The following VPS13B variants were observed in gnomAD, a reference collection of about 807,000 sequenced individuals.
VPS13B encodes the protein intermembrane lipid transfer protein VPS13B.
Under a neutral mutation model 426.4 loss-of-function variants are expected in VPS13B, and 285 were observed. That is an observed-to-expected ratio of 0.67 (90% confidence interval 0.61 to 0.74). The LOEUF (loss-of-function observed/expected upper bound fraction) is 0.74, where lower values mean the gene tolerates loss of function less well. VPS13B is among the 30% of genes least tolerant of loss of function. The probability of loss-of-function intolerance (pLI) is 0.00; values close to 1 mark genes in which losing one functional copy is unlikely to be tolerated. For synonymous variants in VPS13B, 1,676 were observed against 1,676.4 expected, an observed-to-expected ratio of 1.00 and a Z score of 0.01; for missense variants, 4,537 against 4,782.6, an observed-to-expected ratio of 0.95 and a Z score of 1.51.
chr8:99,705,721 G>A (rs950489458), intron 36 of VPS13B, among the ~76,000 whole-genome samples: 1 of 152,022 alleles, frequency 6.6e-6, no homozygotes, highest in Non-Finnish European at 1.5e-5. Context: ...TTAAAATGTT[G>A]TTTATGTACA....
In VPS13B at chr8:99,852,103, G is replaced by A. The variant is rs181562414; in HGVS notation, c.10062-1348G>A. On this transcript the variant is annotated intron_variant, in intron 55 of 61. Coordinates refer to ENST00000357162, the MANE Select transcript of VPS13B (RefSeq NM_152564.5). ...CATTGAGTAATGGCTAAAAATAGAGGCATCAAGGATGACACCGAAATTTTT... is the reference window on the plus strand; with the variant it reads ...CATTGAGTAATGGCTAAAAATAGAGACATCAAGGATGACACCGAAATTTTT... Among the ~76,000 whole-genome samples, 5 of 152,230 alleles carry A rather than the reference G, an allele frequency of 3.3e-5. 1 individual carries two copies. Among genetic ancestry groups the A allele is most frequent in the Admixed American group, 3.3e-4 (5 of 15,298 alleles).
chr8:99,295,293 A>G (rs373801568), intron 19 of VPS13B, among the ~76,000 whole-genome samples: 25 of 152,296 alleles, frequency 1.6e-4, no homozygotes, highest in African/African-American at 5.8e-4. Flanking sequence ...AGCCTAAAGG[A>G]AAAAAGATTA....
intron 30 of VPS13B, among the ~76,000 whole-genome samples, chr8:99,542,605 G>C (rs1036146224): frequency 1.3e-5 from 2 of 152,164 alleles, no homozygotes; most frequent in Non-Finnish European, 2.9e-5. Flanking sequence ...GACTGTGGCA[G>C]CTTTGAATTC....
chr8:99,546,150 TATA>T (rs1419887035), intron 30 of VPS13B, among the ~76,000 whole-genome samples: 1 of 152,040 alleles, frequency 6.6e-6, no homozygotes, highest in Non-Finnish European at 1.5e-5. Flanking sequence ...TGACCGATTT[TATA>T]ATATTTGTGA....
chr8:99,403,263 C>T (rs548765522), intron 21 of VPS13B, among the ~76,000 whole-genome samples: 68 of 152,140 alleles, frequency 4.5e-4, no homozygotes, highest in Non-Finnish European at 8.4e-4. Context: ...CAAAGAAAAA[C>T]AGGTCTTATC....
chr8:99,715,988 T>A (rs1241905651), intron 36 of VPS13B, among the ~76,000 whole-genome samples: 1 of 152,094 alleles, frequency 6.6e-6, no homozygotes, highest in Non-Finnish European at 1.5e-5. Flanking sequence ...GGAGTGCTTT[T>A]TTTGCTTGTT....
intron 39 of VPS13B, among the ~76,000 whole-genome samples, chr8:99,741,229 G>A (rs1279740253): frequency 2.6e-5 from 4 of 152,148 alleles, no homozygotes; most frequent in Non-Finnish European, 4.4e-5. Flanking sequence ...CACAAAGAAG[G>A]CCATTACATA....
chr8:99,245,984 A>G (rs1817195763), intron 17 of VPS13B, among the ~76,000 whole-genome samples: 1 of 152,254 alleles, frequency 6.6e-6, no homozygotes. Context: ...TGCTCACAGA[A>G]TAATCTGGCA....
intron 22 of VPS13B, 133 bp from the exon 23 acceptor site, chr8:99,442,268 A>C (rs1240521874): frequency 1.4e-6 from 1 of 734,728 alleles, no homozygotes; most frequent in African/African-American, 1.8e-5. Context: ...AATATTCATT[A>C]GTGAAAATAA....
At chr8:99,303,730 C>CAAAAAAAAA (rs58708195) in intron 19 of VPS13B, among the ~76,000 whole-genome samples, 4,274 of 63,532 alleles carry the variant, frequency 0.067, 1,127 homozygotes, top group Non-Finnish European at 0.085. Flanking sequence ...GACTCCGTCT[C>CAAAAAAAAA]AAAAAAAAAA....
chr8:99,841,702 C>G (rs972491687), intron 54 of VPS13B, among the ~76,000 whole-genome samples: 1 of 152,202 alleles, frequency 6.6e-6, no homozygotes, highest in Admixed American at 6.5e-5. Flanking sequence ...CTCTGATCCT[C>G]CACACATCCA....
intron 35 of VPS13B, among the ~76,000 whole-genome samples, chr8:99,684,486 T>C (rs1317830004): frequency 6.6e-6 from 1 of 152,184 alleles, no homozygotes; most frequent in Non-Finnish European, 1.5e-5. Flanking sequence ...TATCTCCACA[T>C]GATATCCACT....
intron 34 of VPS13B, among the ~76,000 whole-genome samples, chr8:99,655,226 G>A (rs950348093): frequency 6.6e-6 from 1 of 152,148 alleles, no homozygotes; most frequent in Non-Finnish European, 1.5e-5. Flanking sequence ...ACATAACGAA[G>A]TCCAATTACA....
chr8:99,166,510 A>C (rs1000796517), intron 15 of VPS13B, among the ~76,000 whole-genome samples: 1 of 152,146 alleles, frequency 6.6e-6, no homozygotes, highest in Non-Finnish European at 1.5e-5. Context: ...ATTGTTTAGG[A>C]ATTAACTTAA....
At chr8:99,438,919 G>A (rs929492297) in intron 22 of VPS13B, among the ~76,000 whole-genome samples, 15 of 152,106 alleles carry the variant, frequency 9.9e-5, no homozygotes, top group African/African-American at 1.4e-4. Flanking sequence ...ATGGGATCTC[G>A]CCTATAGGAG....
intron 43 of VPS13B, among the ~76,000 whole-genome samples, chr8:99,803,912 GT>G (rs1813262313): frequency 1.3e-5 from 2 of 152,000 alleles, no homozygotes; most frequent in Non-Finnish European, 2.9e-5. Flanking sequence ...CTCACCTATT[GT>G]ATCATTTTGG....
At chr8:99,075,569 A>G (rs553537768) in intron 3 of VPS13B, among the ~76,000 whole-genome samples, 4 of 152,300 alleles carry the variant, frequency 2.6e-5, no homozygotes, top group East Asian at 1.9e-4. Context: ...AGCTATATCA[A>G]TTGGTCTGTT....
rs774065848 is a variant in VPS13B, at chr8:99,766,885, C to G, written c.7162C>G (p.Leu2388Val). 1 of 1,614,026 alleles carries G rather than the reference C, an allele frequency of 6.2e-7. No individual in the cohort carries two copies. The highest frequency in any genetic ancestry group is 8.5e-7 in the Non-Finnish European group (1 of 1,179,968). The part of the protein sequence containing the change: ...VCELQLPDIN[L>V]VNDQKKLVSS... ...TGAACTGCAGTTGCCGGATATCAAT[C>G]TCGTGAATGACCAGAAGAAATTAGT... is the stretch of plus-strand genomic sequence containing the variant. Residue 2388 changes from leucine (L) to valine (V), a missense_variant, in exon 40 of 62, where the codon CTC (leucine) becomes GTC (valine). Coordinates refer to ENST00000357162, the MANE Select transcript of VPS13B (RefSeq NM_152564.5).
chr8:99,579,262 G>A (rs1347984689), intron 33 of VPS13B, among the ~76,000 whole-genome samples: 1 of 152,126 alleles, frequency 6.6e-6, no homozygotes, highest in Non-Finnish European at 1.5e-5. Context: ...TAAATTATTA[G>A]CAGAACTCAT....
Sources: gnomAD v4.1 joint callset for allele counts (sites outside exome capture counted in the v4.1 genomes callset) on GRCh38, gnomAD v4.1.1 for gene constraint, MANE v1.5 for transcripts, NCBI Gene and HGNC (gene_info 2026-07-23, HGNC 2026-07-21) for gene names.